Variants in RMDN2 observed in about 807,000 individuals in gnomAD.
The protein encoded by RMDN2 is regulator of microtubule dynamics protein 2.
RMDN2 carries 61 observed loss-of-function variants against 52.8 expected under a neutral mutation model. The ratio of observed to expected loss-of-function variants is 1.16; its 90% CI spans 0.94 to 1.43. The LOEUF (loss-of-function observed/expected upper bound fraction) is 1.43. Ranked by LOEUF, RMDN2 falls within the 40% of genes most tolerant of loss-of-function variation. The pLI is 0.00. For synonymous variants in RMDN2, 180 were observed against 153.1 expected, an observed-to-expected ratio of 1.18 and a Z score of -1.30; for missense variants, 592 against 475.3, an observed-to-expected ratio of 1.25 and a Z score of -2.28.
At chr2:37,966,176 C>A (rs1216640675) in intron 2 of RMDN2, among the ~76,000 whole-genome samples, 1 of 152,092 alleles carries the variant, frequency 6.6e-6, no homozygotes, top group Non-Finnish European at 1.5e-5. Context: ...AATCCCAGCA[C>A]TTTGGGAGGC....
intron 2 of RMDN2, among the ~76,000 whole-genome samples, chr2:37,943,057 T>G (rs1667933466): frequency 1.3e-5 from 2 of 152,190 alleles, no homozygotes; most frequent in South Asian, 4.1e-4. Flanking sequence ...GCCATCCACA[T>G]GCCACCCATG....
chr2:38,017,330 G>A lies in RMDN2; in HGVS notation c.*91G>A. The stretch of plus-strand genomic sequence containing the variant: ...GCTTTTATTATCCTTCATTTTTGAT[G>A]TAAGGGTATTGTGCTTAGATTTGAA... On this transcript the variant is annotated 3_prime_UTR_variant, in exon 11 of 11. Transcript: ENST00000354545. 1.4e-6 allele frequency: 2 copies of A among 1,443,562 alleles called. No individual in the cohort carries two copies. Among genetic ancestry groups the A allele is most frequent in the South Asian group, 3.1e-5 (2 of 64,772 alleles). The allele number at this position is 1,443,562 out of a possible 1,614,324, so 89.4% of individuals were successfully genotyped here. A position where few individuals can be genotyped will look rare whatever the true frequency, so the allele number is the denominator to read the frequency against.
intron 10 of RMDN2, among the ~76,000 whole-genome samples, chr2:38,035,405 A>C (rs1390145818): frequency 7.2e-5 from 11 of 152,212 alleles, no homozygotes; most frequent in Admixed American, 7.2e-4. Context: ...ATAAAATTCC[A>C]ATACAAATAC....
rs143287735 is a variant in RMDN2 at position 37,959,317 on chromosome 2, C to T, written c.453-14723C>T. 2.6e-3 allele frequency among the ~76,000 whole-genome samples: 392 copies of T among 150,964 alleles called. 25 individuals are homozygous for T. Among genetic ancestry groups the T allele is most frequent in the African/African-American group, 9.0e-3 (361 of 40,292 alleles). On this transcript the variant is annotated intron_variant, in intron 2 of 10. Transcript: ENST00000354545. ...ATGGTTGGTAGGCTATTAATTACTGCCTCAATTTCAGAACTTGTTATTGGT... is the reference window on the plus strand; with the variant it reads ...ATGGTTGGTAGGCTATTAATTACTGTCTCAATTTCAGAACTTGTTATTGGT...
At chr2:37,992,708 CA>C (rs775570504) in intron 7 of RMDN2, among the ~76,000 whole-genome samples, 23 of 151,558 alleles carry the variant, frequency 1.5e-4, no homozygotes, top group Admixed American at 3.9e-4. Context: ...AGAAAAAGTA[CA>C]AAAAAAACAA....
At chr2:37,968,371 G>A (rs998020197) in intron 2 of RMDN2, among the ~76,000 whole-genome samples, 10 of 149,214 alleles carry the variant, frequency 6.7e-5, no homozygotes, top group Middle Eastern at 3.2e-3. Flanking sequence ...ACCCGGAGGC[G>A]TAGGCAGCAG....
intron 2 of RMDN2, among the ~76,000 whole-genome samples, chr2:37,961,476 G>A (rs1670230667): frequency 6.6e-6 from 1 of 151,620 alleles, no homozygotes; most frequent in Non-Finnish European, 1.5e-5. Flanking sequence ...CTGCTTGATT[G>A]ATATGGTTAT....
intron 4 of RMDN2, among the ~76,000 whole-genome samples, chr2:37,975,743 A>C (rs1412137175): frequency 1.3e-5 from 2 of 152,224 alleles, no homozygotes; most frequent in Non-Finnish European, 2.9e-5. Flanking sequence ...ATGTTAACTA[A>C]AGCTAAATTA....
At chr2:38,021,345 A>G (rs77176831), downstream of RMDN2, among the ~76,000 whole-genome samples, 3,283 of 152,280 alleles carry the variant, frequency 0.022, 110 homozygotes, top group African/African-American at 0.067. Context: ...AGAAGAGAAT[A>G]AAAGGCTGCC....
chr2:37,947,971 T>G (rs1364556798), intron 2 of RMDN2, among the ~76,000 whole-genome samples: 1 of 152,096 alleles, frequency 6.6e-6, no homozygotes, highest in Non-Finnish European at 1.5e-5. Context: ...AGTCCTAGTA[T>G]TGTTCACTGT....
At chr2:38,013,993 G>C (rs1678377084) in intron 10 of RMDN2, among the ~76,000 whole-genome samples, 1 of 152,078 alleles carries the variant, frequency 6.6e-6, no homozygotes, top group Non-Finnish European at 1.5e-5. Context: ...GATCACCTGA[G>C]GTCGGGAGTT....
intron 2 of RMDN2, among the ~76,000 whole-genome samples, chr2:37,963,650 A>C (rs1227921848): frequency 0.051 from 4,754 of 93,364 alleles, no homozygotes; most frequent in Non-Finnish European, 0.058. Flanking sequence ...TCATAGATCA[A>C]CAGCATCCCA....
intron 10 of RMDN2, among the ~76,000 whole-genome samples, chr2:38,058,196 C>T (rs938193529): frequency 1.3e-5 from 2 of 152,216 alleles, no homozygotes; most frequent in African/African-American, 4.8e-5. Flanking sequence ...GTTGACTTCT[C>T]TGCCTTTGGG....
chr2:38,010,390 C>G (rs562517450), intron 10 of RMDN2, among the ~76,000 whole-genome samples: 2 of 152,328 alleles, frequency 1.3e-5, no homozygotes, highest in Admixed American at 6.5e-5. Context: ...CTTTGTTTAG[C>G]TACTCAAGCC....
chr2:37,921,656 A>G (rs536168883), upstream of RMDN2, among the ~76,000 whole-genome samples: 16 of 152,324 alleles, frequency 1.1e-4, no homozygotes, highest in South Asian at 3.3e-3. Flanking sequence ...AAATGGTGCT[A>G]TGAAGAGTCC....
intron 10 of RMDN2, among the ~76,000 whole-genome samples, chr2:38,048,683 A>G (rs544948484): frequency 1.4e-4 from 21 of 152,346 alleles, no homozygotes; most frequent in African/African-American, 4.8e-4. Flanking sequence ...ACCACCAGGT[A>G]GTCAGGGATC....
chr2:37,979,256 G>C (rs897055415), intron 4 of RMDN2, among the ~76,000 whole-genome samples: 1 of 151,852 alleles, frequency 6.6e-6, no homozygotes, highest in African/African-American at 2.4e-5. Flanking sequence ...GAGAAGGAGA[G>C]GCATAAATAA....
chr2:37,943,506 ATGT>A (rs1667970624), intron 2 of RMDN2, among the ~76,000 whole-genome samples: 1 of 152,194 alleles, frequency 6.6e-6, no homozygotes, highest in Non-Finnish European at 1.5e-5. Context: ...TGCATGTCTC[ATGT>A]TGTTTTAGAT....
chr2:38,066,589 G>A (rs776381818), intron 10 of RMDN2, among the ~76,000 whole-genome samples: 2 of 152,154 alleles, frequency 1.3e-5, no homozygotes, highest in Admixed American at 6.5e-5. Flanking sequence ...ACAGACTGGC[G>A]TTGAGGTTGA....
Sources: gnomAD v4.1 joint callset for allele counts (sites outside exome capture counted in the v4.1 genomes callset) on GRCh38, gnomAD v4.1.1 for gene constraint, MANE v1.5 for transcripts, NCBI Gene and HGNC (gene_info 2026-07-23, HGNC 2026-07-21) for gene names.